Variants in MAP2K1 observed in about 807,000 individuals in gnomAD.
MAP2K1 encodes the protein mitogen-activated protein kinase kinase 1.
In MAP2K1, 16 loss-of-function variants were observed where a neutral mutation model predicts 46.3. The observed-to-expected ratio is 0.35, with a 90% CI of 0.23 to 0.52. MAP2K1 has a LOEUF of 0.52. Among genes scored for constraint, MAP2K1 ranks in the 20% least tolerant of loss-of-function variants. MAP2K1 has a pLI of 0.94. For synonymous variants in MAP2K1, 183 were observed against 185.6 expected (o/e 0.99, Z 0.11); for missense variants, 263 against 497.1 (o/e 0.53, Z 4.48).
In MAP2K1 at chr15:66,387,238, G is replaced by T. The variant is rs1376047513; in HGVS notation, c.-110G>T. ...CGCACCCGCTGAAGGCAGCCCCGGG[G>T]CCCGCGGCCCGGACTTGGTCCTGCG... is the stretch of plus-strand genomic sequence containing the variant. On this transcript the variant is annotated 5_prime_UTR_variant, in exon 1 of 11. Transcript: ENST00000307102. 1 of 881,114 alleles carries T rather than the reference G, an allele frequency of 1.1e-6. No homozygotes were observed. Among genetic ancestry groups the T allele is most frequent in the Non-Finnish European group, 1.7e-6 (1 of 581,912 alleles). 54.6% of individuals were successfully genotyped at this position (881,114 alleles called of 1,614,324 possible). A position where few individuals can be genotyped will look rare whatever the true frequency, so the allele number is the denominator to read the frequency against.
intron 1 of MAP2K1, among the ~76,000 whole-genome samples, chr15:66,416,965 C>G (rs2093426052): frequency 6.6e-6 from 1 of 152,172 alleles, no homozygotes; most frequent in Non-Finnish European, 1.5e-5. Context: ...AGCTCTCCAG[C>G]TGCACCTCTA....
intron 1 of MAP2K1, among the ~76,000 whole-genome samples, chr15:66,427,482 C>G (rs1454148878): frequency 6.6e-6 from 1 of 150,786 alleles, no homozygotes; most frequent in East Asian, 1.9e-4. Flanking sequence ...TTGTGTGAAC[C>G]CAGGAGGCGG....
Position 66,415,337 on chromosome 15 carries a change from A to G in MAP2K1, c.81-19690A>G, listed in dbSNP as rs553931736. On this transcript the variant is annotated intron_variant, in intron 1 of 10. Coordinates refer to ENST00000307102, the MANE Select transcript of MAP2K1 (RefSeq NM_002755.4). ...CACTCCTATTACTTGAGAAATTCCA[A>G]AGATTTAGAGGTTACCTCCAGAAAC... 131 of 309,650 alleles carry G rather than the reference A, an allele frequency of 4.2e-4. 1 individual carries two copies. Among genetic ancestry groups the G allele is most frequent in the South Asian group, 3.3e-3 (124 of 38,026 alleles). 19.2% of individuals were successfully genotyped at this position (309,650 alleles called of 1,614,324 possible). A position where few individuals can be genotyped will look rare whatever the true frequency, so the allele number is the denominator to read the frequency against.
At chr15:66,478,186 C>A (rs1354142901) in intron 5 of MAP2K1, among the ~76,000 whole-genome samples, 2 of 150,972 alleles carry the variant, frequency 1.3e-5, no homozygotes, top group African/African-American at 4.9e-5. Flanking sequence ...CCGTTCCTTG[C>A]CACCCTGTCA....
At chr15:66,489,147 G>A in intron 8 of MAP2K1, 68 bp from the exon 9 acceptor site, 2 of 1,238,070 alleles carry the variant, frequency 1.6e-6, no homozygotes, top group Non-Finnish European at 2.4e-6. Context: ...TGGGAGGGGT[G>A]GGATGGGGAG....
chr15:66,429,595 G>A (rs1260315913), intron 1 of MAP2K1, among the ~76,000 whole-genome samples: 1 of 151,058 alleles, frequency 6.6e-6, no homozygotes, highest in Non-Finnish European at 1.5e-5. Context: ...TGAGGTATGG[G>A]AAGGTATAGA....
chr15:66,477,844 A>AGG (rs1175574775), intron 5 of MAP2K1, among the ~76,000 whole-genome samples: 2 of 152,088 alleles, frequency 1.3e-5, no homozygotes, highest in Non-Finnish European at 2.9e-5. Flanking sequence ...AGGCGCTGTC[A>AGG]CACCCCTTAC....
chr15:66,468,562 C>A (rs1892524159), intron 5 of MAP2K1, among the ~76,000 whole-genome samples: 1 of 152,162 alleles, frequency 6.6e-6, no homozygotes, highest in African/African-American at 2.4e-5. Context: ...TTAACTGGAT[C>A]TCTGAGTTCT....
chr15:66,402,144 T>C (rs1201469184), intron 1 of MAP2K1, among the ~76,000 whole-genome samples: 1 of 152,238 alleles, frequency 6.6e-6, no homozygotes, highest in African/African-American at 2.4e-5. Context: ...CATTTTTAAA[T>C]ATTCAAAAGC....
At chr15:66,433,531 G>A (rs1464909082) in intron 1 of MAP2K1, among the ~76,000 whole-genome samples, 2 of 152,106 alleles carry the variant, frequency 1.3e-5, no homozygotes, top group African/African-American at 4.8e-5. Context: ...CCTCGGCCTT[G>A]CATCTTCTTT....
intron 5 of MAP2K1, among the ~76,000 whole-genome samples, chr15:66,474,420 T>G (rs1892709919): frequency 6.6e-6 from 1 of 152,140 alleles, no homozygotes; most frequent in Admixed American, 6.5e-5. Flanking sequence ...TCGTGCTCAC[T>G]CGCTAAACTG....
chr15:66,439,951 A>AAT (rs1483923409), intron 3 of MAP2K1, among the ~76,000 whole-genome samples: 1 of 151,768 alleles, frequency 6.6e-6, no homozygotes, highest in African/African-American at 2.4e-5. Flanking sequence ...AAAAAAAAAA[A>AAT]AATTCTAGCA....
chr15:66,489,153 G>T, intron 8 of MAP2K1, 62 bp from the exon 9 acceptor site: 1 of 1,331,458 alleles, frequency 7.5e-7, no homozygotes, highest in South Asian at 1.2e-5. Context: ...GGGTGGGATG[G>T]GGAGAGGAGA....
chr15:66,415,348 G>A (rs2093422126), intron 1 of MAP2K1: 1 of 306,874 alleles, frequency 3.3e-6, no homozygotes, highest in Non-Finnish European at 6.3e-6. Context: ...AGATTTAGAG[G>A]TTACCTCCAG....
At chr15:66,388,515 C>T (rs1187385809) in intron 1 of MAP2K1, among the ~76,000 whole-genome samples, 1 of 152,058 alleles carries the variant, frequency 6.6e-6, no homozygotes, top group East Asian at 1.9e-4. Flanking sequence ...ATTTCTGTAA[C>T]CTCCCTTCCT....
At chr15:66,441,097 G>A (rs1459746906) in intron 3 of MAP2K1, among the ~76,000 whole-genome samples, 2 of 152,072 alleles carry the variant, frequency 1.3e-5, no homozygotes, top group African/African-American at 2.4e-5. Flanking sequence ...CAAGTAGCAG[G>A]AGGACAACAG....
At chr15:66,437,005 C>A in intron 3 of MAP2K1, 113 bp downstream of exon 3, 1 of 1,116,664 alleles carries the variant, frequency 9.0e-7, no homozygotes, top group Non-Finnish European at 1.4e-6. Flanking sequence ...CTGGGATCCA[C>A]ATCACTATCT....
chr15:66,470,223 C>T (rs968270815), intron 5 of MAP2K1, among the ~76,000 whole-genome samples: 3 of 149,554 alleles, frequency 2.0e-5, no homozygotes, highest in South Asian at 2.1e-4. Context: ...GGAAAAAGAC[C>T]GAAACAACAA....
At chr15:66,465,250 C>T (rs924486371) in intron 5 of MAP2K1, among the ~76,000 whole-genome samples, 10 of 152,030 alleles carry the variant, frequency 6.6e-5, no homozygotes, top group Admixed American at 1.3e-4. Flanking sequence ...TGGCTTTATT[C>T]GGCTGGGAGC....
Sources: gnomAD v4.1 joint callset for allele counts (sites outside exome capture counted in the v4.1 genomes callset) on GRCh38, gnomAD v4.1.1 for gene constraint, MANE v1.5 for transcripts, NCBI Gene and HGNC (gene_info 2026-07-23, HGNC 2026-07-21) for gene names.